ADGRB3: variants seen among roughly 807,000 people sequenced by gnomAD.
The protein encoded by ADGRB3 is adhesion G protein-coupled receptor B3.
Under a neutral mutation model 193.4 loss-of-function variants are expected in ADGRB3, and 37 were observed. That is an observed-to-expected ratio of 0.19 (90% CI 0.15 to 0.25). The LOEUF (loss-of-function observed/expected upper bound fraction) is 0.25. Ranked by LOEUF, ADGRB3 falls within the 10% of genes least tolerant of loss-of-function variation. The pLI, the probability that ADGRB3 is intolerant of heterozygous loss-of-function variation, is 1.00. For missense variants in ADGRB3, 1,637 were observed against 1,852.9 expected (o/e 0.88, Z 2.14); for synonymous variants, 690 against 644.2 (o/e 1.07, Z -1.08).
In ADGRB3 at chr6:69,287,564, G is replaced by T. The variant is rs191561136; in HGVS notation, c.2815-37308G>T. 2.0e-3 allele frequency among the ~76,000 whole-genome samples: 302 copies of T among 152,200 alleles called. 2 individuals are homozygous for T. Among genetic ancestry groups the T allele is most frequent in the African/African-American group, 7.0e-3 (292 of 41,532 alleles). Reference sequence around the variant, plus strand: ...ATATTGATTTATTAAAACTTCACAAGAACCCAGAACCACTGCAATGTCCCC... The same window carrying T: ...ATATTGATTTATTAAAACTTCACAATAACCCAGAACCACTGCAATGTCCCC... On this transcript the variant is annotated intron_variant, in intron 20 of 31. Transcript: ENST00000370598.
At chr6:69,083,317 G>A (rs1298018266) in intron 17 of ADGRB3, among the ~76,000 whole-genome samples, 1 of 152,134 alleles carries the variant, frequency 6.6e-6, no homozygotes, top group East Asian at 1.9e-4. Context: ...GACTAGAAGT[G>A]TGTCACATTC....
intron 17 of ADGRB3, among the ~76,000 whole-genome samples, chr6:69,080,632 T>C (rs545390847): frequency 6.7e-4 from 102 of 151,196 alleles, no homozygotes; most frequent in African/African-American, 2.3e-3. Flanking sequence ...AATTACCTAA[T>C]TGAAGCCTTT....
At chr6:69,238,461 T>C (rs1365864669) in intron 19 of ADGRB3, among the ~76,000 whole-genome samples, 2 of 152,072 alleles carry the variant, frequency 1.3e-5, no homozygotes, top group Non-Finnish European at 2.9e-5. Context: ...GGGTAAAATA[T>C]GGCAGATGTC....
At chr6:69,075,876 TAAA>T in intron 16 of ADGRB3, 116 bp from the exon 17 acceptor site, 1 of 736,960 alleles carries the variant, frequency 1.4e-6, no homozygotes, top group Non-Finnish European at 2.2e-6. Context: ...AAGAAATCAT[TAAA>T]GTATTTCTTA....
At chr6:69,268,122 T>G (rs1055747469) in intron 20 of ADGRB3, among the ~76,000 whole-genome samples, 5 of 152,200 alleles carry the variant, frequency 3.3e-5, no homozygotes, top group Non-Finnish European at 7.3e-5. Flanking sequence ...AATACAATCT[T>G]GAAAACAATG....
At chr6:68,735,048 A>G (rs553563926) in intron 3 of ADGRB3, among the ~76,000 whole-genome samples, 35 of 152,144 alleles carry the variant, frequency 2.3e-4, no homozygotes, top group Admixed American at 8.5e-4. Flanking sequence ...CTAATATTAT[A>G]ATAGCTTATG....
intron 20 of ADGRB3, among the ~76,000 whole-genome samples, chr6:69,296,717 G>A (rs1338931067): frequency 6.6e-6 from 1 of 152,016 alleles, no homozygotes; most frequent in African/African-American, 2.4e-5. Context: ...TTTGAATTAT[G>A]TCATGTTATC....
intron 3 of ADGRB3, among the ~76,000 whole-genome samples, chr6:68,879,687 T>G (rs1414056745): frequency 2.0e-5 from 3 of 152,284 alleles, no homozygotes; most frequent in African/African-American, 7.2e-5. Flanking sequence ...CTTTCTTTGT[T>G]GCAACATGAG....
At chr6:68,969,213 G>T (rs1430815812) in intron 8 of ADGRB3, among the ~76,000 whole-genome samples, 4 of 152,084 alleles carry the variant, frequency 2.6e-5, no homozygotes, top group African/African-American at 9.7e-5. Context: ...TGTGAGAAGG[G>T]CTATAATATT....
intron 3 of ADGRB3, among the ~76,000 whole-genome samples, chr6:68,759,105 C>A (rs1295742533): frequency 1.3e-5 from 2 of 152,030 alleles, no homozygotes; most frequent in East Asian, 3.9e-4. Context: ...TTAAAGCAAG[C>A]AACCTCCCTT....
chr6:68,971,146 G>A (rs763193471), intron 8 of ADGRB3, among the ~76,000 whole-genome samples: 9 of 150,494 alleles, frequency 6.0e-5, no homozygotes, highest in Middle Eastern at 3.4e-3. Flanking sequence ...TTTCATCTCT[G>A]TGGATTGAAC....
In ADGRB3 at chr6:68,683,007, A is replaced by T. The variant is rs1384350967; in HGVS notation, c.757+43575A>T. ...ACTGTGTTGGCGAGGCTGGTCTTGAACTCCTGACCTCAGGTGATCCAACCA... is the reference window on the plus strand; with the variant it reads ...ACTGTGTTGGCGAGGCTGGTCTTGATCTCCTGACCTCAGGTGATCCAACCA... On this transcript the variant is annotated intron_variant, in intron 3 of 31. Transcript: ENST00000370598. Among the ~76,000 whole-genome samples, 3 of 151,478 alleles carry T rather than the reference A, an allele frequency of 2.0e-5. No individual in the cohort carries two copies. In the East Asian group the frequency reaches 5.8e-4, roughly 29 times the overall value.
At position 68,837,476 on chromosome 6, in the gene ADGRB3, C is replaced by A. The variant is rs147796744; in HGVS notation, c.758-93083C>A. Among the ~76,000 whole-genome samples, 438 of 152,166 alleles carry A rather than the reference C, an allele frequency of 2.9e-3. 3 individuals are homozygous for A. Among genetic ancestry groups the A allele is most frequent in the African/African-American group, 9.1e-3 (376 of 41,526 alleles). On this transcript the variant is annotated intron_variant, in intron 3 of 31. Coordinates refer to ENST00000370598, the MANE Select transcript of ADGRB3 (RefSeq NM_001704.3). ...TCTTTATAGATAATATGGAAAAATT[C>A]ATTTGCCATTTGTATGATATAACAT...
intron 26 of ADGRB3, among the ~76,000 whole-genome samples, chr6:69,347,440 A>G (rs1009516872): frequency 2.6e-5 from 4 of 152,134 alleles, no homozygotes; most frequent in Non-Finnish European, 5.9e-5. Context: ...GTTCAAAAAG[A>G]AACACATTTC....
At chr6:69,094,516 C>T (rs1772813302) in intron 17 of ADGRB3, among the ~76,000 whole-genome samples, 1 of 152,076 alleles carries the variant, frequency 6.6e-6, no homozygotes, top group African/African-American at 2.4e-5. Flanking sequence ...ATATCTGTAT[C>T]CAAATTAAAT....
At chr6:69,119,570 T>G (rs1325188326) in intron 17 of ADGRB3, among the ~76,000 whole-genome samples, 2 of 143,124 alleles carry the variant, frequency 1.4e-5, no homozygotes, top group African/African-American at 5.0e-5. Flanking sequence ...GCAAAGACTT[T>G]AAGGAAATAA....
chr6:69,137,404 T>C lies in ADGRB3; in HGVS notation c.2480+61366T>C, dbSNP rs568790056. ...TGGATCATCTGGATGGACCAGCTGA[T>C]GCTGTGGCAAATCAAACACACACAC... On this transcript the variant is annotated intron_variant, in intron 17 of 31. Coordinates refer to ENST00000370598, the MANE Select transcript of ADGRB3 (RefSeq NM_001704.3). Among the ~76,000 whole-genome samples, 5 of 152,134 alleles carry C rather than the reference T, an allele frequency of 3.3e-5. No individual in the cohort carries two copies. The South Asian group carries it at 8.3e-4, about 25-fold the overall frequency.
chr6:68,642,783 C>T (rs1768111129), intron 3 of ADGRB3, among the ~76,000 whole-genome samples: 1 of 147,766 alleles, frequency 6.8e-6, no homozygotes, highest in Non-Finnish European at 1.5e-5. Context: ...TTAAAAACCT[C>T]TTAACATATA....
chr6:69,048,096 G>A lies in ADGRB3; in HGVS notation c.2108-89G>A, dbSNP rs1237718427. 3 of 1,328,836 alleles carry A rather than the reference G, an allele frequency of 2.3e-6. No homozygotes were observed. In the African/African-American group the frequency reaches 4.5e-5, roughly 20 times the overall value. 82.3% of individuals were successfully genotyped at this position (1,328,836 alleles called of 1,614,324 possible). On this transcript the variant is annotated intron_variant, in intron 13 of 31. Transcript: ENST00000370598. Reference sequence around the variant, plus strand: ...CAATTTTGACTTGAAATTTTATTTTGAATATACTGCAAGATTTACCTTGAT... The same window carrying A: ...CAATTTTGACTTGAAATTTTATTTTAAATATACTGCAAGATTTACCTTGAT...
Sources: allele counts gnomAD v4.1 joint callset (sites outside exome capture counted in the v4.1 genomes callset), GRCh38; gene constraint gnomAD v4.1.1; transcripts MANE v1.5; gene names NCBI Gene and HGNC (gene_info 2026-07-23, HGNC 2026-07-21).